CPNE4: variants seen among roughly 807,000 people sequenced by gnomAD.
CPNE4 encodes the protein copine 4.
Under a neutral mutation model 67.9 loss-of-function variants are expected in CPNE4, and 25 were observed. The observed-to-expected ratio is 0.37, with a 90% confidence interval of 0.27 to 0.51. The LOEUF is 0.51. Ranked by LOEUF, CPNE4 falls within the 20% of genes least tolerant of loss-of-function variation. The pLI is 0.93. For synonymous variants in CPNE4, 242 were observed against 244.9 expected (o/e 0.99, Z 0.11); for missense variants, 464 against 690.8 (o/e 0.67, Z 3.68).
chr3:131,778,664 C>T (rs912117680), intron 2 of CPNE4, among the ~76,000 whole-genome samples: 1 of 152,064 alleles, frequency 6.6e-6, no homozygotes, highest in Non-Finnish European at 1.5e-5. Flanking sequence ...GGGAAAATTC[C>T]AAGGGTAGCC....
intron 1 of CPNE4, among the ~76,000 whole-genome samples, chr3:131,913,562 G>T (rs2089067392): frequency 6.6e-6 from 1 of 152,184 alleles, no homozygotes; most frequent in African/African-American, 2.4e-5. Context: ...CAAGTCAAAA[G>T]GTCAAACTGT....
chr3:132,014,315 T>TC (rs1211124657), intron 1 of CPNE4, among the ~76,000 whole-genome samples: 5 of 151,640 alleles, frequency 3.3e-5, no homozygotes, highest in Middle Eastern at 3.4e-3. Context: ...AGCCTACTCC[T>TC]CCCCCCGAAT....
chr3:132,033,140 C>T (rs1398764357), intron 1 of CPNE4, among the ~76,000 whole-genome samples: 1 of 152,214 alleles, frequency 6.6e-6, no homozygotes, highest in Non-Finnish European at 1.5e-5. Context: ...TATGTGTGCG[C>T]GCGGGGGCGC....
At chr3:131,783,968 T>C (rs2083489300) in intron 2 of CPNE4, among the ~76,000 whole-genome samples, 1 of 152,090 alleles carries the variant, frequency 6.6e-6, no homozygotes, top group Admixed American at 6.6e-5. Context: ...CGGTGAGAAG[T>C]CCCAAAGTTC....
intron 2 of CPNE4, among the ~76,000 whole-genome samples, chr3:131,743,957 C>T (rs1197163500): frequency 1.0e-3 from 30 of 29,596 alleles, no homozygotes; most frequent in African/African-American, 3.2e-3. Flanking sequence ...AGCGAGACTC[C>T]GTCTCAAAAA....
intron 2 of CPNE4, among the ~76,000 whole-genome samples, chr3:131,858,959 C>A (rs1015462329): frequency 1.3e-5 from 2 of 152,138 alleles, no homozygotes; most frequent in Non-Finnish European, 2.9e-5. Flanking sequence ...TCACCAAAAT[C>A]TGAATCTCTT....
At chr3:131,600,523 A>T (rs1939143493) in intron 7 of CPNE4, among the ~76,000 whole-genome samples, 1 of 152,176 alleles carries the variant, frequency 6.6e-6, no homozygotes, top group African/African-American at 2.4e-5. Flanking sequence ...TTGTTTTAAG[A>T]TCTATTATAA....
intron 7 of CPNE4, among the ~76,000 whole-genome samples, chr3:131,606,573 T>C (rs571320755): frequency 6.6e-6 from 1 of 152,322 alleles, no homozygotes; most frequent in African/African-American, 2.4e-5. Flanking sequence ...TCTGGTCTAG[T>C]GTCCACGACA....
At chr3:131,766,008 G>T (rs2083002010) in intron 2 of CPNE4, among the ~76,000 whole-genome samples, 1 of 152,112 alleles carries the variant, frequency 6.6e-6, no homozygotes, top group Admixed American at 6.6e-5. Context: ...GACAGGGAAG[G>T]TGGGCCTTGA....
intron 2 of CPNE4, among the ~76,000 whole-genome samples, chr3:131,844,395 T>C (rs1156670273): frequency 3.3e-5 from 5 of 151,910 alleles, no homozygotes; most frequent in African/African-American, 1.2e-4. Context: ...GCCTCCTGAG[T>C]AGCTGGGACT....
chr3:131,606,579 C>A (rs1431878314), intron 7 of CPNE4, among the ~76,000 whole-genome samples: 1 of 152,124 alleles, frequency 6.6e-6, no homozygotes, highest in African/African-American at 2.4e-5. Context: ...CTAGTGTCCA[C>A]GACATTTCTT....
At chr3:131,784,273 T>C (rs986356100) in intron 2 of CPNE4, among the ~76,000 whole-genome samples, 5 of 152,062 alleles carry the variant, frequency 3.3e-5, no homozygotes, top group African/African-American at 1.2e-4. Flanking sequence ...CTGACTATTA[T>C]AAAATTTTCC....
At chr3:131,561,062 A>G (rs959223135) in intron 11 of CPNE4, among the ~76,000 whole-genome samples, 2 of 152,048 alleles carry the variant, frequency 1.3e-5, no homozygotes, top group African/African-American at 2.4e-5. Context: ...CTAGTACATC[A>G]TGGAGAAATG....
At chr3:131,867,941 A>G (rs2087026898) in intron 2 of CPNE4, among the ~76,000 whole-genome samples, 1 of 152,096 alleles carries the variant, frequency 6.6e-6, no homozygotes, top group Admixed American at 6.6e-5. Context: ...ATGACACTTT[A>G]CCTAATAATT....
At chr3:131,582,966 C>A (rs1206686754) in intron 8 of CPNE4, among the ~76,000 whole-genome samples, 1 of 152,218 alleles carries the variant, frequency 6.6e-6, no homozygotes, top group Non-Finnish European at 1.5e-5. Flanking sequence ...AAGTTCTGGG[C>A]TAATTTTTTC....
intron 7 of CPNE4, among the ~76,000 whole-genome samples, chr3:131,631,849 G>A (rs1280192154): frequency 6.6e-6 from 1 of 151,466 alleles, no homozygotes; most frequent in African/African-American, 2.4e-5. Flanking sequence ...TGCCAGTTCT[G>A]TGATAGGTGC....
In CPNE4 at chr3:131,883,084, T is replaced by C. The variant is rs537710649; in HGVS notation, c.180+22180A>G. On this transcript the variant is annotated intron_variant, in intron 2 of 15. Coordinates refer to ENST00000429747, the MANE Select transcript of CPNE4 (RefSeq NM_130808.3). ...GCACCAACCTAAATAGATGAGAAAA[T>C]GGAGGTAATTTACTTCTACAAGAAC... is the stretch of plus-strand genomic sequence containing the variant. Among the ~76,000 whole-genome samples the C allele has an allele frequency of 2.0e-4, 30 of 152,180 alleles. No individual in the cohort carries two copies. In the South Asian group the frequency reaches 4.1e-3, roughly 21 times the overall value.
chr3:132,023,052 C>T (rs75920207), intron 1 of CPNE4, among the ~76,000 whole-genome samples: 589 of 152,250 alleles, frequency 3.9e-3, no homozygotes, highest in Admixed American at 0.01. Context: ...TGAACAACCA[C>T]GGACCATTAC....
intron 2 of CPNE4, among the ~76,000 whole-genome samples, chr3:131,893,410 A>T (rs1209801846): frequency 1.3e-5 from 2 of 152,046 alleles, no homozygotes; most frequent in Non-Finnish European, 2.9e-5. Flanking sequence ...AATAATGTAC[A>T]GGTCATCGAG....
Sources: gnomAD v4.1 joint callset for allele counts (sites outside exome capture counted in the v4.1 genomes callset) on GRCh38, gnomAD v4.1.1 for gene constraint, MANE v1.5 for transcripts, NCBI Gene and HGNC (gene_info 2026-07-23, HGNC 2026-07-21) for gene names.